Variants in DRC8 observed in about 807,000 individuals in gnomAD.
DRC8 encodes the protein dynein regulatory complex subunit 8.
At chr1:245,110,362 C>T in the DRC8 span, among the ~76,000 whole-genome samples, 4 of 150,952 alleles carry the variant, frequency 2.6e-5, no homozygotes, top group Admixed American at 2.0e-4. Flanking sequence ...CTAACCTGGG[C>T]GACAGAATGA....
At chr1:245,092,498 G>C in the DRC8 span, among the ~76,000 whole-genome samples, 1 of 152,296 alleles carries the variant, frequency 6.6e-6, no homozygotes, top group South Asian at 2.1e-4. Context: ...CCTCATGGGT[G>C]CCAGGCATGG....
At chr1:245,100,268 C>G in the DRC8 span, among the ~76,000 whole-genome samples, 1 of 151,980 alleles carries the variant, frequency 6.6e-6, no homozygotes, top group African/African-American at 2.4e-5. Flanking sequence ...GCCTGTGGTC[C>G]CAGCTACTCG....
chr1:245,100,987 C>T, the DRC8 span, among the ~76,000 whole-genome samples: 1 of 152,012 alleles, frequency 6.6e-6, no homozygotes, highest in Non-Finnish European at 1.5e-5. Context: ...CGGGTTCCAG[C>T]GATTCTCCTG....
chr1:245,000,371 T>G, the DRC8 span, among the ~76,000 whole-genome samples: 4 of 152,198 alleles, frequency 2.6e-5, no homozygotes, highest in South Asian at 4.1e-4. Context: ...AATTTTCCAT[T>G]TAATATATTT....
chr1:244,981,515 T>G, the DRC8 span, among the ~76,000 whole-genome samples: 1 of 152,204 alleles, frequency 6.6e-6, no homozygotes, highest in Non-Finnish European at 1.5e-5. Flanking sequence ...GGTAGGTGCC[T>G]CTGTTACCCG....
the DRC8 span, among the ~76,000 whole-genome samples, chr1:245,006,944 AAAC>A: frequency 9.8e-4 from 149 of 151,356 alleles, 1 homozygote; most frequent in Non-Finnish European, 8.7e-4. Flanking sequence ...AAAAACAAAC[AAAC>A]AACAACAACA....
the DRC8 span, among the ~76,000 whole-genome samples, chr1:245,029,601 GT>G: frequency 2.4e-4 from 31 of 129,658 alleles, no homozygotes; most frequent in Middle Eastern, 6.6e-3. Context: ...GCCCAGCCCT[GT>G]TTTTTTTTTT....
chr1:245,084,616 T>G, the DRC8 span, among the ~76,000 whole-genome samples: 3 of 152,208 alleles, frequency 2.0e-5, no homozygotes, highest in Non-Finnish European at 2.9e-5. Flanking sequence ...TGAAGGTCAG[T>G]AGCCTGATGG....
At chr1:245,068,280 G>A in the DRC8 span, among the ~76,000 whole-genome samples, 1 of 152,178 alleles carries the variant, frequency 6.6e-6, no homozygotes, top group South Asian at 2.1e-4. Flanking sequence ...ATTTCTTATT[G>A]TATAGGTAAT....
the DRC8 span, chr1:244,971,160 C>T: frequency 4.6e-3 from 704 of 152,562 alleles, 8 homozygotes; most frequent in African/African-American, 0.014. Flanking sequence ...AAATGCCTGC[C>T]CCGCCGCCGG....
chr1:245,080,089 A>G, the DRC8 span, among the ~76,000 whole-genome samples: 2 of 152,214 alleles, frequency 1.3e-5, no homozygotes, highest in Non-Finnish European at 2.9e-5. Flanking sequence ...ATTAAAAAAT[A>G]GGAGTCATTT....
chr1:245,104,172 A>C, the DRC8 span, among the ~76,000 whole-genome samples: 1 of 152,224 alleles, frequency 6.6e-6, no homozygotes, highest in Admixed American at 6.5e-5. Context: ...AGGTGATTAA[A>C]AAAGGACTTT....
chr1:245,005,223 G>C, the DRC8 span, among the ~76,000 whole-genome samples: 1 of 151,050 alleles, frequency 6.6e-6, no homozygotes, highest in Non-Finnish European at 1.5e-5. Flanking sequence ...TTGGTTTGTA[G>C]TTTTCTTCTT....
chr1:245,066,776 G>A, the DRC8 span, among the ~76,000 whole-genome samples: 990 of 152,012 alleles, frequency 6.5e-3, 4 homozygotes, highest in South Asian at 0.014. Flanking sequence ...GCTTGGTGGC[G>A]GGCACCTGTA....
the DRC8 span, among the ~76,000 whole-genome samples, chr1:245,112,744 C>T: frequency 2.0e-5 from 3 of 151,822 alleles, no homozygotes; most frequent in South Asian, 6.2e-4. Context: ...TCCCGTTCTT[C>T]CTTCATGTTA....
the DRC8 span, chr1:245,124,643 T>C: frequency 6.6e-6 from 1 of 152,202 alleles, no homozygotes; most frequent in Non-Finnish European, 1.5e-5. Flanking sequence ...TTAAAATAGA[T>C]GGGATCTCTG....
the DRC8 span, among the ~76,000 whole-genome samples, chr1:245,022,858 A>T: frequency 6.6e-6 from 1 of 152,130 alleles, no homozygotes; most frequent in Admixed American, 6.5e-5. Flanking sequence ...AGGCTTTTTC[A>T]TCTTCCCAAA....
At chr1:244,970,795 C>A in the DRC8 span, 1 of 366,922 alleles carries the variant, frequency 2.7e-6, no homozygotes. Flanking sequence ...CCCCCTCCCT[C>A]GGAGGCCGGG....
the DRC8 span, among the ~76,000 whole-genome samples, chr1:244,984,841 C>A: frequency 2.7e-5 from 3 of 111,616 alleles, no homozygotes; most frequent in Admixed American, 1.1e-4. Flanking sequence ...TCAAAAAACA[C>A]CCCCCCTTCA....
Sources: allele counts gnomAD v4.1 joint callset (sites outside exome capture counted in the v4.1 genomes callset), GRCh38; gene constraint gnomAD v4.1.1; transcripts MANE v1.5; gene names NCBI Gene and HGNC (gene_info 2026-07-23, HGNC 2026-07-21).